SRSF8: variants seen among roughly 807,000 people sequenced by gnomAD.
The protein encoded by SRSF8 is serine/arginine-rich splicing factor 8.
In SRSF8, 3 loss-of-function variants were observed where a neutral mutation model predicts 2.0. The observed-to-expected ratio is 1.47, with a 90% CI of 0.67 to 3.79. The LOEUF is 3.79. Among genes scored for constraint, SRSF8 ranks in the 30% most tolerant of loss-of-function variants. SRSF8 has a pLI of 0.02. For missense variants in SRSF8, 408 were observed against 410.9 expected (o/e 0.99, Z 0.06); for synonymous variants, 162 against 170.7 (o/e 0.95, Z 0.40).
At position 95,068,418 on chromosome 11, in the gene SRSF8, ACTTTTAAGGAAACG is replaced by A. The variant is rs1555107322; in HGVS notation, c.*344_*357del. The stretch of plus-strand genomic sequence containing the variant: ...TGGTAACCTAATTTGTGGCCTCCTG[ACTTTTAAGGAAACG>A]TGTGCAGCCATTACACACAGCCTAA... On this transcript the variant is annotated 3_prime_UTR_variant, in exon 1 of 1. Transcript: ENST00000587424. The A allele has an allele frequency of 4.7e-5, 12 of 258,008 alleles. No individual in the cohort carries two copies. The highest frequency in any genetic ancestry group is 1.8e-4 in the South Asian group (3 of 16,252). The allele number at this position is 258,008 out of a possible 1,614,324, so 16.0% of individuals were successfully genotyped here.
At position 95,067,700 on chromosome 11, in the gene SRSF8, TC is replaced by T; in HGVS notation, c.477del (p.Tyr160ThrfsTer90). On this transcript the variant is annotated frameshift_variant, in exon 1 of 1. Coordinates refer to ENST00000587424, the MANE Select transcript of SRSF8 (RefSeq NM_032102.4). LOFTEE classifies it low-confidence loss of function (END_TRUNC). ...RYRGSRYSRS[P>X]YSRSPYSRSR... ...ATAGGGGTTCTCGCTATAGCCGGTCTCCCTACAGCCGATCTCCTTACAGCCG... is the reference window on the plus strand; with the variant it reads ...ATAGGGGTTCTCGCTATAGCCGGTCTCCTACAGCCGATCTCCTTACAGCCG... 6.2e-7 allele frequency: 1 copy of T among 1,613,844 alleles called. No homozygotes were observed. Among genetic ancestry groups the T allele is most frequent in the South Asian group, 1.1e-5 (1 of 91,084 alleles).
At position 95,068,076 on chromosome 11, in the gene SRSF8, G is replaced by T. The variant is rs1206936831; in HGVS notation, c.*1G>T. Reference sequence around the variant, plus strand: ...AGAGGAAGGACAGATGTCCTCTTAAGAAAATGATGCATCAGGAAGCAACGT... The same window carrying T: ...AGAGGAAGGACAGATGTCCTCTTAATAAAATGATGCATCAGGAAGCAACGT... On this transcript the variant is annotated 3_prime_UTR_variant, in exon 1 of 1. Transcript: ENST00000587424. The T allele has an allele frequency of 2.5e-6, 4 of 1,601,534 alleles. No individual in the cohort carries two copies. Among genetic ancestry groups the T allele is most frequent in the Non-Finnish European group, 3.4e-6 (4 of 1,170,124 alleles).
chr11:95,067,767 AGGGAATCTCGCTACG>A lies in SRSF8; in HGVS notation c.543_557del (p.Arg181_Gly186delinsSer), dbSNP rs1322775948. On this transcript the variant is annotated inframe_deletion, in exon 1 of 1. Transcript: ENST00000587424. Reference sequence around the variant, plus strand: ...CTCTCCCTACAGCAGATCTCGCTACAGGGAATCTCGCTACGGCGGATCTCACTACAGCTCATCTGG... The same window carrying A: ...CTCTCCCTACAGCAGATCTCGCTACAGCGGATCTCACTACAGCTCATCTGG... The A allele has an allele frequency of 6.2e-7, 1 of 1,613,898 alleles. No individual in the cohort carries two copies. Among genetic ancestry groups the A allele is most frequent in the African/African-American group, 1.3e-5 (1 of 74,938 alleles).
Position 95,068,018 on chromosome 11 carries a change from G to T in SRSF8, c.792G>T (p.Arg264Ser), listed in dbSNP as rs1555107255. The T allele has an allele frequency of 6.2e-7, 1 of 1,613,832 alleles. No homozygotes were observed. The highest frequency in any genetic ancestry group is 2.2e-5 in the East Asian group (1 of 44,866). The change falls in exon 1 of 1, where the codon AGG (arginine) becomes AGT (serine). Residue 264 changes from arginine to serine, a missense_variant. Physicochemically the swap from Arg to Ser is moderately radical, Grantham distance 110 (BLOSUM62 -1). Transcript: ENST00000587424. ...TATCCAAGAGGAAATCCAAGTCAAG[G>T]TCGCGATCCAAGAGGCCCCCCAAGT... ...PRVSKRKSKS[R>S]SRSKRPPKSP...
At position 95,067,316 on chromosome 11, in the gene SRSF8, G is replaced by A; in HGVS notation, c.90G>A (p.Leu30=). 6.2e-7 allele frequency: 1 copy of A among 1,601,560 alleles called. No homozygotes were observed. The highest frequency in any genetic ancestry group is 8.5e-7 in the Non-Finnish European group (1 of 1,176,016). The change falls in exon 1 of 1, where the codon TTG becomes TTA. Residue 30 remains leucine (L), a synonymous_variant. Transcript: ENST00000587424. ...NLTYRTSPDS[L]RRVFEKYGRV... ...CCTACCGCACCTCTCCCGACAGCTT[G>A]AGGCGCGTGTTCGAGAAGTACGGGC...
At position 95,068,059 on chromosome 11, in the gene SRSF8, G is replaced by A. The variant is rs1555107270; in HGVS notation, c.833G>A (p.Gly278Glu). 6.2e-7 allele frequency: 1 copy of A among 1,610,412 alleles called. No homozygotes were observed. The highest frequency in any genetic ancestry group is 1.7e-5 in the Admixed American group (1 of 59,910). ...KRPPKSPEEEGQMSS is the reference protein window; with the variant it reads ...KRPPKSPEEEEQMSS The stretch of plus-strand genomic sequence containing the variant: ...CCCCCCAAGTCTCCTGAAGAGGAAG[G>A]ACAGATGTCCTCTTAAGAAAATGAT... The change falls in exon 1 of 1, where the codon GGA (glycine) becomes GAA (glutamate). Residue 278 changes from glycine to glutamate, a missense_variant. This residue lies in a region of SRSF8 where 346 missense variants were observed against 316.5 expected (regional missense o/e 1.09). Coordinates refer to ENST00000587424, the MANE Select transcript of SRSF8 (RefSeq NM_032102.4).
rs1555107212 is a variant in SRSF8 at position 95,067,855 on chromosome 11, C to A, written c.629C>A (p.Ser210Ter). The A allele has an allele frequency of 6.2e-7, 1 of 1,614,028 alleles. No individual in the cohort carries two copies. Among genetic ancestry groups the A allele is most frequent in the East Asian group, 2.2e-5 (1 of 44,872 alleles). The change falls in exon 1 of 1, where the codon TCG becomes TAG. Residue 210 changes from serine (S) to a stop codon, truncating the protein, a stop_gained. Transcript: ENST00000587424. LOFTEE classifies it high-confidence loss of function. ...YSRYHSSRSH[S>*]KSGSSTSSRS... ...CGATATCACAGCAGCCGGTCTCACT[C>A]GAAGTCTGGGTCCTCCACTAGCTCT...
Position 95,067,467 on chromosome 11 carries a change from G to A in SRSF8, c.241G>A (p.Asp81Asn). 4 of 1,525,946 alleles carry A rather than the reference G, an allele frequency of 2.6e-6. No individual in the cohort carries two copies. The highest frequency in any genetic ancestry group is 2.3e-4 in the Middle Eastern group (1 of 4,310). The allele number at this position is 1,525,946 out of a possible 1,614,324, so 94.5% of individuals were successfully genotyped here. A position where few individuals can be genotyped will look rare whatever the true frequency, so the allele number is the denominator to read the frequency against. Residue 81 changes from aspartate to asparagine, a missense_variant, in exon 1 of 1, where the codon GAC (aspartate) becomes AAC (asparagine). This residue lies in a region of SRSF8 where 346 missense variants were observed against 316.5 expected (regional missense o/e 1.09). Coordinates refer to ENST00000587424, the MANE Select transcript of SRSF8 (RefSeq NM_032102.4). ...AEAAMDGAELDGRELRVQVAR... is the reference protein window; with the variant it reads ...AEAAMDGAELNGRELRVQVAR... ...GGCCGCCATGGACGGGGCGGAGCTG[G>A]ACGGACGCGAGCTGCGGGTGCAGGT...
chr11:95,069,506 A>G lies in SRSF8; in HGVS notation c.*1431A>G, dbSNP rs1160663905. On this transcript the variant is annotated 3_prime_UTR_variant, in exon 1 of 1. Coordinates refer to ENST00000587424, the MANE Select transcript of SRSF8 (RefSeq NM_032102.4). ...TGAATAAATTTATTCTTTCAATCAT[A>G]TGGATCTTCATTAATATTTTTGACT... 1.2e-5 allele frequency: 2 copies of G among 166,976 alleles called. No individual in the cohort carries two copies. Among genetic ancestry groups the G allele is most frequent in the African/African-American group, 2.4e-5 (1 of 41,462 alleles). 10.3% of individuals were successfully genotyped at this position (166,976 alleles called of 1,614,324 possible).
chr11:95,067,291 C>T lies in SRSF8; in HGVS notation c.65C>T (p.Thr22Ile). Reference protein sequence around the residue: ...GMITLKVDNLTYRTSPDSLRR... With the variant: ...GMITLKVDNLIYRTSPDSLRR... Reference sequence around the variant, plus strand: ...ATCACCCTCAAGGTGGACAACCTGACCTACCGCACCTCTCCCGACAGCTTG... The same window carrying T: ...ATCACCCTCAAGGTGGACAACCTGATCTACCGCACCTCTCCCGACAGCTTG... The change falls in exon 1 of 1, where the codon ACC becomes ATC. Residue 22 changes from threonine to isoleucine, a missense_variant. By Grantham distance (89) the Thr-to-Ile change is moderately conservative. This residue lies in a region of SRSF8 where 62 missense variants were observed against 94.4 expected (regional missense o/e 0.66). Coordinates refer to ENST00000587424, the MANE Select transcript of SRSF8 (RefSeq NM_032102.4). The T allele has an allele frequency of 6.3e-7, 1 of 1,590,996 alleles. No homozygotes were observed. Among genetic ancestry groups the T allele is most frequent in the Non-Finnish European group, 8.5e-7 (1 of 1,171,126 alleles).
Position 95,067,133 on chromosome 11 carries a change from C to G in SRSF8, c.-94C>G, listed in dbSNP as rs1858655531. On this transcript the variant is annotated 5_prime_UTR_variant, in exon 1 of 1. Transcript: ENST00000587424. Reference sequence around the variant, plus strand: ...TCTCCGCCCGGCCTTTCCCGGCGTCCCCACGCGGGGCGCAACCGCGAGAAA... The same window carrying G: ...TCTCCGCCCGGCCTTTCCCGGCGTCGCCACGCGGGGCGCAACCGCGAGAAA... 1 of 1,241,344 alleles carries G rather than the reference C, an allele frequency of 8.1e-7. No homozygotes were observed. The highest frequency in any genetic ancestry group is 1.1e-6 in the Non-Finnish European group (1 of 949,524). 76.9% of individuals were successfully genotyped at this position (1,241,344 alleles called of 1,614,324 possible).
chr11:95,068,025 T>C lies in SRSF8; in HGVS notation c.799T>C (p.Ser267Pro). The part of the protein sequence containing the change: ...SKRKSKSRSR[S>P]KRPPKSPEEE... ...GAGGAAATCCAAGTCAAGGTCGCGATCCAAGAGGCCCCCCAAGTCTCCTGA... is the reference window on the plus strand; with the variant it reads ...GAGGAAATCCAAGTCAAGGTCGCGACCCAAGAGGCCCCCCAAGTCTCCTGA... Residue 267 changes from serine (S) to proline (P), a missense_variant, in exon 1 of 1, where the codon TCC (serine) becomes CCC (proline). By Grantham distance (74) the Ser-to-Pro change is moderately conservative. Transcript: ENST00000587424. The C allele has an allele frequency of 6.2e-7, 1 of 1,613,758 alleles. No individual in the cohort carries two copies. Among genetic ancestry groups the C allele is most frequent in the East Asian group, 2.2e-5 (1 of 44,864 alleles).
chr11:95,068,133 C>G lies in SRSF8; in HGVS notation c.*58C>G. 1 of 1,506,848 alleles carries G rather than the reference C, an allele frequency of 6.6e-7. No homozygotes were observed. 93.3% of individuals were successfully genotyped at this position (1,506,848 alleles called of 1,614,324 possible). A position where few individuals can be genotyped will look rare whatever the true frequency, so the allele number is the denominator to read the frequency against. On this transcript the variant is annotated 3_prime_UTR_variant, in exon 1 of 1. Transcript: ENST00000587424. ...GGACTTGGGGGAAAAGGATCACATA[C>G]TCAGTCTATGGAAGCAACGTCCCTG... is the stretch of plus-strand genomic sequence containing the variant.
chr11:95,067,753 G>C lies in SRSF8; in HGVS notation c.527G>C (p.Ser176Thr), dbSNP rs1004931293. The change falls in exon 1 of 1, where the codon AGC (serine) becomes ACC (threonine). Residue 176 changes from serine to threonine, a missense_variant. Around this residue, in one of 2 missense-constraint regions of SRSF8, gnomAD observed 346 missense variants for 316.5 expected, o/e 1.09. Coordinates refer to ENST00000587424, the MANE Select transcript of SRSF8 (RefSeq NM_032102.4). ...TCGCGCTACAGCCGCTCTCCCTACA[G>C]CAGATCTCGCTACAGGGAATCTCGC... ...SRSRYSRSPYSRSRYRESRYG... is the reference protein window; with the variant it reads ...SRSRYSRSPYTRSRYRESRYG... 1 of 1,614,032 alleles carries C rather than the reference G, an allele frequency of 6.2e-7. No individual in the cohort carries two copies. The highest frequency in any genetic ancestry group is 8.5e-7 in the Non-Finnish European group (1 of 1,179,900).
At position 95,066,982 on chromosome 11, in the gene SRSF8, C is replaced by T. The variant is rs1555106879; in HGVS notation, c.-245C>T. On this transcript the variant is annotated 5_prime_UTR_variant, in exon 1 of 1. Transcript: ENST00000587424. ...GGTACAAGGCCAGGATCTTCGGGGC[C>T]TGGCTTCATTTGGAGTTCAGCTACC... is the stretch of plus-strand genomic sequence containing the variant. 6.6e-6 allele frequency among the ~76,000 whole-genome samples: 1 copy of T among 152,234 alleles called. No homozygotes were observed. The highest frequency in any genetic ancestry group is 1.5e-5 in the Non-Finnish European group (1 of 68,040).
Position 95,067,976 on chromosome 11 carries a change from C to G in SRSF8, c.750C>G (p.Thr250=). 12 of 1,613,972 alleles carry G rather than the reference C, an allele frequency of 7.4e-6. No homozygotes were observed. The highest frequency in any genetic ancestry group is 9.3e-6 in the Non-Finnish European group (11 of 1,179,888). The part of the protein sequence containing the change: ...SRSRSRSSSM[T]RSPPRVSKRK... ...CGCGGTCCAGGTCTTCATCTATGAC[C>G]AGGAGTCCTCCCCGGGTATCCAAGA... is the stretch of plus-strand genomic sequence containing the variant. Residue 250 remains threonine (T), a synonymous_variant, in exon 1 of 1, where the codon ACC becomes ACG. Coordinates refer to ENST00000587424, the MANE Select transcript of SRSF8 (RefSeq NM_032102.4).
At position 95,067,419 on chromosome 11, in the gene SRSF8, C is replaced by T. The variant is rs1555107016; in HGVS notation, c.193C>T (p.Arg65Trp). 3 of 1,560,232 alleles carry T rather than the reference C, an allele frequency of 1.9e-6. No individual in the cohort carries two copies. Among genetic ancestry groups the T allele is most frequent in the Admixed American group, 1.9e-5 (1 of 53,592 alleles). Residue 65 changes from arginine (R) to tryptophan (W), a missense_variant, in exon 1 of 1, where the codon CGG becomes TGG. Physicochemically the swap from Arg to Trp is moderately radical, Grantham distance 101. This residue lies in a region of SRSF8 where 346 missense variants were observed against 316.5 expected (regional missense o/e 1.09). Transcript: ENST00000587424. Reference protein sequence around the residue: ...RGFAFVRFHDRRDAQDAEAAM... With the variant: ...RGFAFVRFHDWRDAQDAEAAM... ...CTTCGCTTTCGTCCGCTTTCACGAC[C>T]GGCGCGACGCCCAAGACGCCGAGGC...
In SRSF8 at chr11:95,067,404, G is replaced by C. The variant is rs782290402; in HGVS notation, c.178G>C (p.Val60Leu). 20 of 1,577,512 alleles carry C rather than the reference G, an allele frequency of 1.3e-5. No homozygotes were observed. The highest frequency in any genetic ancestry group is 1.5e-5 in the Non-Finnish European group (18 of 1,164,540). ...HTKAPRGFAF[V>L]RFHDRRDAQD... ...CAAGGCGCCCCGGGGCTTCGCTTTC[G>C]TCCGCTTTCACGACCGGCGCGACGC... Residue 60 changes from valine (V) to leucine (L), a missense_variant, in exon 1 of 1, where the codon GTC becomes CTC. Val to Leu is a conservative substitution (Grantham distance 32). Transcript: ENST00000587424.
chr11:95,067,907 C>T lies in SRSF8; in HGVS notation c.681C>T (p.Ser227=), dbSNP rs782232062. The change falls in exon 1 of 1, where the codon AGC becomes AGT. Residue 227 remains serine, a synonymous_variant. Coordinates refer to ENST00000587424, the MANE Select transcript of SRSF8 (RefSeq NM_032102.4). The stretch of plus-strand genomic sequence containing the variant: ...GCTCTGCATCAACCTCCAAATCGAG[C>T]TCTGCGCGACGATCCAAGTCCTCCT... The part of the protein sequence containing the change: ...SSRSASTSKS[S]SARRSKSSSV... The T allele has an allele frequency of 6.2e-7, 1 of 1,614,022 alleles. No individual in the cohort carries two copies. The highest frequency in any genetic ancestry group is 1.1e-5 in the South Asian group (1 of 91,086).
Sources: allele counts gnomAD v4.1 joint callset (sites outside exome capture counted in the v4.1 genomes callset), GRCh38; gene constraint gnomAD v4.1.1; regional missense constraint gnomAD v4.1.1; transcripts MANE v1.5; gene names NCBI Gene and HGNC (gene_info 2026-07-23, HGNC 2026-07-21).